FARS2: variants seen among roughly 807,000 people sequenced by gnomAD.
FARS2 encodes phenylalanyl-tRNA synthetase 2, mitochondrial, also known as phenylalanine--tRNA ligase, mitochondrial.
In FARS2, 40 loss-of-function variants were observed where a neutral mutation model predicts 46.4. That is an observed-to-expected ratio of 0.86 (90% CI 0.67 to 1.12). The LOEUF (loss-of-function observed/expected upper bound fraction) is 1.12. Among genes scored for constraint, FARS2 ranks in the 50% most tolerant of loss-of-function variants. FARS2 has a pLI of 0.00. For missense variants in FARS2, 513 were observed against 567.9 expected (o/e 0.90, Z 0.98); for synonymous variants, 234 against 214.9 (o/e 1.09, Z -0.78).
intron 6 of FARS2, among the ~76,000 whole-genome samples, chr6:5,647,060 C>T (rs1348897521): frequency 6.6e-6 from 1 of 152,156 alleles, no homozygotes; most frequent in African/African-American, 2.4e-5. Flanking sequence ...AGAATGAAAA[C>T]AATGGCCCAA....
intron 4 of FARS2, among the ~76,000 whole-genome samples, chr6:5,451,030 A>G (rs1391614191): frequency 6.6e-6 from 1 of 152,114 alleles, no homozygotes; most frequent in Non-Finnish European, 1.5e-5. Flanking sequence ...ATACGATTGG[A>G]GGTGCTGTAA....
At chr6:5,666,554 C>G (rs1257217311) in intron 6 of FARS2, among the ~76,000 whole-genome samples, 1 of 152,186 alleles carries the variant, frequency 6.6e-6, no homozygotes, top group Non-Finnish European at 1.5e-5. Context: ...ACCAGGCCTA[C>G]ACAGTGCTAG....
upstream of FARS2, among the ~76,000 whole-genome samples, chr6:5,257,255 C>T (rs1043361113): frequency 2.6e-5 from 4 of 152,146 alleles, no homozygotes; most frequent in Non-Finnish European, 4.4e-5. Flanking sequence ...GTCACCGCCC[C>T]CCCAACCCCA....
intron 1 of FARS2, among the ~76,000 whole-genome samples, chr6:5,313,439 G>A (rs543194990): frequency 6.6e-6 from 1 of 152,208 alleles, no homozygotes; most frequent in East Asian, 1.9e-4. Flanking sequence ...GCTGATTCCC[G>A]GCTGTATTCC....
In FARS2 at chr6:5,368,922, C is replaced by T; in HGVS notation, c.352C>T (p.Pro118Ser). The T allele has an allele frequency of 6.2e-7, 1 of 1,614,168 alleles. No individual in the cohort carries two copies. Among genetic ancestry groups the T allele is most frequent in the South Asian group, 1.1e-5 (1 of 91,072 alleles). The stretch of plus-strand genomic sequence containing the variant: ...GTTCTCGGTCTACGACAACCTTTCT[C>T]CAGTGGTCACGACCTGGCAGAACTT... ...PLFSVYDNLS[P>S]VVTTWQNFDS... The change falls in exon 2 of 7, where the codon CCA becomes TCA. Residue 118 changes from proline to serine, a missense_variant. Transcript: ENST00000274680.
chr6:5,339,125 C>G (rs1007899061), intron 1 of FARS2, among the ~76,000 whole-genome samples: 2 of 152,092 alleles, frequency 1.3e-5, no homozygotes, highest in Non-Finnish European at 2.9e-5. Context: ...ACAACTGTGG[C>G]CAAAGCCAGG....
chr6:5,751,826 A>G (rs765054228), intron 6 of FARS2, among the ~76,000 whole-genome samples: 4 of 152,248 alleles, frequency 2.6e-5, no homozygotes, highest in Non-Finnish European at 5.9e-5. Context: ...CCATTTAAAA[A>G]TGATTTTTCC....
intron 4 of FARS2, among the ~76,000 whole-genome samples, chr6:5,462,635 A>C (rs1051484900): frequency 6.6e-6 from 1 of 152,198 alleles, no homozygotes; most frequent in South Asian, 2.1e-4. Context: ...TTTGTTGAGA[A>C]AATTAGTCCT....
upstream of FARS2, chr6:5,260,780 A>G: frequency 6.5e-7 from 1 of 1,536,434 alleles, no homozygotes; most frequent in Non-Finnish European, 8.7e-7. Context: ...CGAGGTCCCA[A>G]GTACGACCCA....
At chr6:5,701,739 TTA>T (rs1479798029) in intron 6 of FARS2, among the ~76,000 whole-genome samples, 4 of 152,196 alleles carry the variant, frequency 2.6e-5, no homozygotes, top group African/African-American at 9.7e-5. Flanking sequence ...GCAGTTAACT[TTA>T]TGTCGACTCT....
intron 4 of FARS2, among the ~76,000 whole-genome samples, chr6:5,478,301 C>T (rs942175000): frequency 2.6e-5 from 4 of 152,184 alleles, no homozygotes; most frequent in Non-Finnish European, 5.9e-5. Context: ...AGATAAAATC[C>T]TAGTATGGTA....
chr6:5,756,815 A>C (rs906991424), intron 6 of FARS2, among the ~76,000 whole-genome samples: 10 of 152,244 alleles, frequency 6.6e-5, no homozygotes, highest in African/African-American at 2.4e-4. Flanking sequence ...TGTCATACAT[A>C]GGAAAAATTG....
intron 1 of FARS2, among the ~76,000 whole-genome samples, chr6:5,273,789 A>G (rs2127833812): frequency 6.6e-6 from 1 of 152,262 alleles, no homozygotes. Context: ...TTCTTGTAGT[A>G]GTTTCATAGT....
intron 5 of FARS2, among the ~76,000 whole-genome samples, chr6:5,601,068 G>T (rs1228800711): frequency 1.3e-5 from 2 of 152,098 alleles, no homozygotes; most frequent in Admixed American, 6.5e-5. Context: ...CAAGAAAGCC[G>T]CCATCTCTAA....
rs546779342 is a variant in FARS2 at position 5,699,227 on chromosome 6, C to G, written c.1218-72064C>G. Among the ~76,000 whole-genome samples, 3 of 152,324 alleles carry G rather than the reference C, an allele frequency of 2.0e-5. No individual in the cohort carries two copies. The South Asian group carries it at 6.2e-4, about 32-fold the overall frequency. ...AGACTTCTCAAGCCCTTCTCTTGTT[C>G]TCTCTCATTAACTTCTTTAATGGTC... On this transcript the variant is annotated intron_variant, in intron 6 of 6. Coordinates refer to ENST00000274680, the MANE Select transcript of FARS2 (RefSeq NM_006567.5).
chr6:5,553,203 A>C (rs1771468459), intron 5 of FARS2, among the ~76,000 whole-genome samples: 1 of 152,152 alleles, frequency 6.6e-6, no homozygotes, highest in African/African-American at 2.4e-5. Context: ...ACAGACTATA[A>C]TATTTCTAAT....
rs370821712 is a variant in FARS2, at chr6:5,769,062, T to A, written c.1218-2229T>A. Reference sequence around the variant, plus strand: ...TAAGGAGGTTTTGCCTATGCGGTCATGAATATTTACTCATCTGTTTTCTTC... The same window carrying A: ...TAAGGAGGTTTTGCCTATGCGGTCAAGAATATTTACTCATCTGTTTTCTTC... On this transcript the variant is annotated intron_variant, in intron 6 of 6. Coordinates refer to ENST00000274680, the MANE Select transcript of FARS2 (RefSeq NM_006567.5). 4.6e-5 allele frequency among the ~76,000 whole-genome samples: 7 copies of A among 152,218 alleles called. No individual in the cohort carries two copies. The East Asian group carries it at 9.6e-4, about 21-fold the overall frequency.
In FARS2 at chr6:5,289,497, C is replaced by G. The variant is rs184418894; in HGVS notation, c.-22+27837C>G. ...TTAAATACCCTCTAGAGGGTTCCCACTGGTTACTTGGTGTACACTCTGTGT... is the reference window on the plus strand; with the variant it reads ...TTAAATACCCTCTAGAGGGTTCCCAGTGGTTACTTGGTGTACACTCTGTGT... On this transcript the variant is annotated intron_variant, in intron 1 of 6. Transcript: ENST00000274680. 3.3e-4 allele frequency among the ~76,000 whole-genome samples: 50 copies of G among 152,342 alleles called. No homozygotes were observed. In the South Asian group the frequency reaches 5.6e-3, roughly 17 times the overall value.
chr6:5,437,530 TTAGG>T (rs1222159627), intron 4 of FARS2, among the ~76,000 whole-genome samples: 4 of 152,292 alleles, frequency 2.6e-5, no homozygotes, highest in African/African-American at 9.6e-5. Flanking sequence ...AGCCATATTA[TTAGG>T]TGCATATATT....
Sources: gnomAD v4.1 joint callset for allele counts (sites outside exome capture counted in the v4.1 genomes callset) on GRCh38, gnomAD v4.1.1 for gene constraint, MANE v1.5 for transcripts, NCBI Gene and HGNC (gene_info 2026-07-23, HGNC 2026-07-21) for gene names.